ZNF423: variants seen among roughly 807,000 people sequenced by gnomAD.
ZNF423 encodes zinc finger protein 423, also known as Ebf-associated zinc finger protein.
Under a neutral mutation model 95.8 loss-of-function variants are expected in ZNF423, and 12 were observed. The observed-to-expected ratio is 0.13, with a 90% confidence interval of 0.08 to 0.20. The LOEUF is 0.20. Among genes scored for constraint, ZNF423 ranks in the 10% least tolerant of loss-of-function variants. The probability of loss-of-function intolerance (pLI) is 1.00; values close to 1 mark genes in which losing one functional copy is unlikely to be tolerated. For missense variants in ZNF423, 1,316 were observed against 1,737.1 expected (o/e 0.76, Z 4.31); for synonymous variants, 749 against 711.9 (o/e 1.05, Z -0.83).
At chr16:49,523,766 C>T in intron 6 of ZNF423, 27 bp from the exon 7 acceptor site, 1 of 1,598,058 alleles carries the variant, frequency 6.3e-7, no homozygotes, top group Non-Finnish European at 8.5e-7. Flanking sequence ...CTGTCAGGGC[C>T]AAGCTCAGGA....
intron 1 of ZNF423, among the ~76,000 whole-genome samples, chr16:49,819,249 CAAAAAAAAAAA>C (rs34167954): frequency 1.4e-5 from 1 of 72,724 alleles, no homozygotes; most frequent in Non-Finnish European, 2.5e-5. Context: ...GATTCCGTCT[CAAAAAAAAAAA>C]AAAAAAAAAT....
At chr16:49,600,286 C>T (rs1971323399) in intron 5 of ZNF423, among the ~76,000 whole-genome samples, 1 of 151,870 alleles carries the variant, frequency 6.6e-6, no homozygotes, top group African/African-American at 2.4e-5. Flanking sequence ...CGCCACAGCA[C>T]TCCAGCCTGG....
At chr16:49,511,163 G>A (rs1001085003) in intron 7 of ZNF423, among the ~76,000 whole-genome samples, 7 of 152,180 alleles carry the variant, frequency 4.6e-5, no homozygotes, top group African/African-American at 7.2e-5. Context: ...CTACCCCTCC[G>A]GTGCCCGCTC....
intron 1 of ZNF423, among the ~76,000 whole-genome samples, chr16:49,838,654 G>C (rs1028823843): frequency 3.9e-4 from 60 of 152,064 alleles, no homozygotes; most frequent in Non-Finnish European, 6.0e-4. Flanking sequence ...GCCGTCCCCA[G>C]CGCTGGGCCT....
At chr16:49,781,040 G>A (rs1418435438) in intron 2 of ZNF423, among the ~76,000 whole-genome samples, 1 of 152,204 alleles carries the variant, frequency 6.6e-6, no homozygotes, top group Non-Finnish European at 1.5e-5. Flanking sequence ...GGCAAGTATC[G>A]TGGGTGGGTG....
chr16:49,535,266 T>G (rs1181997599), intron 5 of ZNF423, among the ~76,000 whole-genome samples: 5 of 152,180 alleles, frequency 3.3e-5, no homozygotes, highest in Non-Finnish European at 7.3e-5. Context: ...AGCACTGAGG[T>G]GCAAGCAGCC....
At chr16:49,502,792 C>T (rs887795052) in intron 7 of ZNF423, among the ~76,000 whole-genome samples, 2 of 99,122 alleles carry the variant, frequency 2.0e-5, no homozygotes, top group Non-Finnish European at 3.8e-5. Flanking sequence ...ATACTCTAGA[C>T]ACACACACAC....
chr16:49,529,870 G>C (rs1350922581), intron 5 of ZNF423, among the ~76,000 whole-genome samples: 1 of 152,104 alleles, frequency 6.6e-6, no homozygotes, highest in African/African-American at 2.4e-5. Flanking sequence ...CAGCCACAAC[G>C]GATAGTCCCT....
At chr16:49,677,468 A>G (rs1368649090) in intron 3 of ZNF423, among the ~76,000 whole-genome samples, 3 of 151,382 alleles carry the variant, frequency 2.0e-5, no homozygotes, top group African/African-American at 7.3e-5. Flanking sequence ...GAGAAGAGAA[A>G]AGAAAAGGAA....
At chr16:49,767,916 T>A (rs1213883030) in intron 2 of ZNF423, among the ~76,000 whole-genome samples, 1 of 152,260 alleles carries the variant, frequency 6.6e-6, no homozygotes, top group Non-Finnish European at 1.5e-5. Flanking sequence ...CTCCCCACTG[T>A]CTGTGAACCA....
chr16:49,769,560 C>G (rs896104183), intron 2 of ZNF423, among the ~76,000 whole-genome samples: 10 of 152,064 alleles, frequency 6.6e-5, no homozygotes, highest in Non-Finnish European at 1.2e-4. Context: ...CCTGATCACG[C>G]CACTGCCCTG....
At chr16:49,739,045 G>A (rs1276606709) in intron 2 of ZNF423, among the ~76,000 whole-genome samples, 2 of 152,054 alleles carry the variant, frequency 1.3e-5, no homozygotes, top group Admixed American at 1.3e-4. Context: ...GGATGACAGA[G>A]AAAAAACAGA....
intron 2 of ZNF423, among the ~76,000 whole-genome samples, chr16:49,765,965 C>A (rs1347999939): frequency 6.6e-6 from 1 of 152,090 alleles, no homozygotes; most frequent in Non-Finnish European, 1.5e-5. Context: ...AATAGAGTTT[C>A]ACCTGGGAAA....
intron 5 of ZNF423, among the ~76,000 whole-genome samples, chr16:49,538,257 C>T (rs1969123145): frequency 6.6e-6 from 1 of 152,236 alleles, no homozygotes; most frequent in Non-Finnish European, 1.5e-5. Context: ...AGCAGAACAG[C>T]TGCCATTAGC....
chr16:49,490,296 C>G lies in ZNF423; in HGVS notation c.*979G>C, dbSNP rs1966908897. 6.6e-6 allele frequency: 1 copy of G among 152,302 alleles called. No homozygotes were observed. The highest frequency in any genetic ancestry group is 2.4e-5 in the African/African-American group (1 of 41,474). The allele number at this position is 152,302 out of a possible 1,614,324, so 9.4% of individuals were successfully genotyped here. A position where few individuals can be genotyped will look rare whatever the true frequency, so the allele number is the denominator to read the frequency against. ...ACTTCACAATCAGCATGGTGACCAA[C>G]CTGCTGCGTGGCCTTGGGAAAGCTG... On this transcript the variant is annotated 3_prime_UTR_variant, in exon 8 of 8. Coordinates refer to ENST00000563137, the MANE Select transcript of ZNF423 (RefSeq NM_001379286.1).
intron 1 of ZNF423, among the ~76,000 whole-genome samples, chr16:49,846,053 G>A (rs966329755): frequency 8.5e-5 from 13 of 152,120 alleles, no homozygotes; most frequent in African/African-American, 3.1e-4. Flanking sequence ...AAGCTAAAAA[G>A]CCACGGATGA....
chr16:49,851,108 C>T lies in ZNF423; in HGVS notation c.40+4627G>A, dbSNP rs774827367. 7.7e-4 allele frequency among the ~76,000 whole-genome samples: 118 copies of T among 152,330 alleles called. 1 individual carries two copies. The highest frequency in any genetic ancestry group is 2.8e-3 in the African/African-American group (115 of 41,578). ...ACAGGGAAAGCACTCTCAGCATCTG[C>T]GGCAGAAAAGGATGTTTTTACTTTT... On this transcript the variant is annotated intron_variant, in intron 1 of 7. Transcript: ENST00000563137.
chr16:49,499,628 G>A lies in ZNF423; in HGVS notation c.3850-8324C>T, dbSNP rs559494068. Among the ~76,000 whole-genome samples, 615 of 152,290 alleles carry A rather than the reference G, an allele frequency of 4.0e-3. 5 individuals are homozygous for A. Among genetic ancestry groups the A allele is most frequent in the African/African-American group, 0.014 (596 of 41,572 alleles). On this transcript the variant is annotated intron_variant, in intron 7 of 7. Transcript: ENST00000563137. ...TTGAGATGCTCTATGGAGCCGAGGC[G>A]GGGAGGAGGGTGCCCCCCACTTTCC...
chr16:49,722,946 G>A lies in ZNF423; in HGVS notation c.301+7825C>T, dbSNP rs536472235. ...TTTGCAGTTCCCTTACTATAAACGGGGTTCTAATTTTTTTTTTTTTTTTTT... is the reference window on the plus strand; with the variant it reads ...TTTGCAGTTCCCTTACTATAAACGGAGTTCTAATTTTTTTTTTTTTTTTTT... On this transcript the variant is annotated intron_variant, in intron 3 of 7. Coordinates refer to ENST00000563137, the MANE Select transcript of ZNF423 (RefSeq NM_001379286.1). Among the ~76,000 whole-genome samples, 22 of 148,566 alleles carry A rather than the reference G, an allele frequency of 1.5e-4. No individual in the cohort carries two copies. In the East Asian group the frequency reaches 3.0e-3, roughly 20 times the overall value.
Sources: allele counts gnomAD v4.1 joint callset (sites outside exome capture counted in the v4.1 genomes callset), GRCh38; gene constraint gnomAD v4.1.1; transcripts MANE v1.5; gene names NCBI Gene and HGNC (gene_info 2026-07-23, HGNC 2026-07-21).